The following DEK variants were observed in gnomAD, a reference collection of about 807,000 sequenced individuals.
DEK encodes the protein DEK proto-oncogene.
DEK carries 28 observed loss-of-function variants against 46.8 expected under a neutral mutation model. That is an observed-to-expected ratio of 0.60 (90% CI 0.44 to 0.82). The LOEUF is 0.82. Ranked by LOEUF, DEK falls within the 40% of genes least tolerant of loss-of-function variation. The probability of loss-of-function intolerance (pLI) is 0.00; values close to 1 mark genes in which losing one functional copy is unlikely to be tolerated. For synonymous variants in DEK, 160 were observed against 144.5 expected, an observed-to-expected ratio of 1.11 and a Z score of -0.77; for missense variants, 416 against 430.6, an observed-to-expected ratio of 0.97 and a Z score of 0.30.
At chr6:18,250,568 CTTTTTTTT>C (rs70974716) in intron 6 of DEK, among the ~76,000 whole-genome samples, 6 of 62,820 alleles carry the variant, frequency 9.6e-5, no homozygotes, top group South Asian at 8.7e-4. Flanking sequence ...GGAGAAAAAC[CTTTTTTTT>C]TTTTTTTTTT....
chr6:18,237,860 CTTTTTT>C (rs60332682), intron 7 of DEK, among the ~76,000 whole-genome samples: 2 of 88,470 alleles, frequency 2.3e-5, no homozygotes, highest in African/African-American at 4.5e-5. Context: ...CAACTGGAAT[CTTTTTT>C]TTTTTTTTTT....
intron 6 of DEK, among the ~76,000 whole-genome samples, chr6:18,251,577 A>T (rs1395189842): frequency 6.6e-6 from 1 of 152,186 alleles, no homozygotes; most frequent in Non-Finnish European, 1.5e-5. Flanking sequence ...CTCAGAGAAG[A>T]TTCTCTATAA....
chr6:18,234,777 C>A (rs943032827), intron 9 of DEK, among the ~76,000 whole-genome samples: 1 of 152,156 alleles, frequency 6.6e-6, no homozygotes, highest in Non-Finnish European at 1.5e-5. Context: ...CCCTCCACCC[C>A]TACTACCCAT....
chr6:18,261,667 C>T (rs1485723425), intron 2 of DEK, among the ~76,000 whole-genome samples: 2 of 152,244 alleles, frequency 1.3e-5, no homozygotes, highest in Admixed American at 6.5e-5. Flanking sequence ...TTTGGCCTTT[C>T]TCCCTTTTGG....
At chr6:18,250,234 C>A (rs1474516351) in intron 6 of DEK, among the ~76,000 whole-genome samples, 1 of 152,132 alleles carries the variant, frequency 6.6e-6, no homozygotes, top group South Asian at 2.1e-4. Flanking sequence ...CTTTGGGACG[C>A]CGAGGCGGGC....
At chr6:18,228,013 A>G (rs879582669) in intron 9 of DEK, among the ~76,000 whole-genome samples, 5 of 151,908 alleles carry the variant, frequency 3.3e-5, no homozygotes, top group African/African-American at 4.8e-5. Flanking sequence ...CCTTTTGTCA[A>G]TTTTCTCAGT....
At chr6:18,230,426 A>G (rs1402467076) in intron 9 of DEK, among the ~76,000 whole-genome samples, 1 of 152,244 alleles carries the variant, frequency 6.6e-6, no homozygotes, top group Non-Finnish European at 1.5e-5. Flanking sequence ...TAAAAGACAC[A>G]GACTGACAAA....
rs58941276 is a variant in DEK at position 18,239,338 on chromosome 6, CTTT to C, written c.763-1825_763-1823del. 3.5e-3 allele frequency among the ~76,000 whole-genome samples: 276 copies of C among 78,284 alleles called. 1 individual carries two copies. The highest frequency in any genetic ancestry group is 0.015 in the African/African-American group (259 of 16,720). 51.4% of individuals were successfully genotyped at this position (78,284 alleles called of 152,430 possible). A position where few individuals can be genotyped will look rare whatever the true frequency, so the allele number is the denominator to read the frequency against. ...CAAGCTATTCATTGGATTTTAGTGT[CTTT>C]TTTTTTTTTTTTTTTTTTTTAAAAA... On this transcript the variant is annotated intron_variant, in intron 7 of 10. Coordinates refer to ENST00000652689, the MANE Select transcript of DEK (RefSeq NM_003472.4).
intron 7 of DEK, chr6:18,244,485 A>C (rs984374201): frequency 4.0e-6 from 5 of 1,262,230 alleles, no homozygotes; most frequent in African/African-American, 1.5e-5. Flanking sequence ...AGGCAAAAAA[A>C]ATCTTGGGAA....
intron 6 of DEK, among the ~76,000 whole-genome samples, chr6:18,253,086 T>C (rs1249932331): frequency 2.0e-5 from 3 of 152,148 alleles, no homozygotes; most frequent in Admixed American, 6.6e-5. Context: ...CCAAGCTCCT[T>C]TTTCATAGAA....
rs781519712 is a variant in DEK at position 18,263,911 on chromosome 6, G to A, written c.77C>T (p.Pro26Leu). 6.8e-6 allele frequency: 11 copies of A among 1,611,618 alleles called. No homozygotes were observed. The highest frequency in any genetic ancestry group is 5.4e-5 in the African/African-American group (4 of 74,720). Reference sequence around the variant, plus strand: ...CTCCTCGCTCTCCTCTCTGGGACCGGGCATTTCGGGTTCTTTCTCGGACGC... The same window carrying A: ...CTCCTCGCTCTCCTCTCTGGGACCGAGCATTTCGGGTTCTTTCTCGGACGC... ...QPASEKEPEM[P>L]GPREESEEEE... The change falls in exon 2 of 11, where the codon CCC becomes CTC. Residue 26 changes from proline to leucine, a missense_variant. Transcript: ENST00000652689.
Position 18,225,700 on chromosome 6 carries a change from A to T in DEK, c.*19T>A. 6.2e-7 allele frequency: 1 copy of T among 1,612,396 alleles called. No individual in the cohort carries two copies. On this transcript the variant is annotated 3_prime_UTR_variant, in exon 11 of 11. Transcript: ENST00000652689. ...ATCTTCAAATCTATGGGAACGAGTC[A>T]TCTTCTCTGTCCTCTATCTCAAGAA...
chr6:18,259,394 C>CAAAAAAAAAAAAA (rs56704006), intron 2 of DEK, among the ~76,000 whole-genome samples: 9 of 41,482 alleles, frequency 2.2e-4, no homozygotes, highest in Admixed American at 3.4e-4. Flanking sequence ...GACTCCGTCT[C>CAAAAAAAAAAAAA]AAAAAAAAAA....
chr6:18,263,082 G>A (rs919756222), intron 2 of DEK, among the ~76,000 whole-genome samples: 1 of 152,162 alleles, frequency 6.6e-6, no homozygotes, highest in Non-Finnish European at 1.5e-5. Flanking sequence ...AACATGTCAA[G>A]AAGCGGGTAC....
intron 7 of DEK, among the ~76,000 whole-genome samples, chr6:18,240,998 A>G (rs964636330): frequency 5.3e-5 from 8 of 152,318 alleles, no homozygotes; most frequent in South Asian, 2.1e-4. Context: ...ATCTTTAGCA[A>G]CCAGCTGTAA....
At chr6:18,226,043 C>T (rs1054158690) in intron 10 of DEK, 131 bp downstream of exon 10, 7 of 888,308 alleles carry the variant, frequency 7.9e-6, no homozygotes, top group Non-Finnish European at 9.5e-6. Flanking sequence ...ATAAATTTCC[C>T]TATTATGAAG....
chr6:18,239,335 T>G (rs1202653530), intron 7 of DEK, among the ~76,000 whole-genome samples: 1 of 131,506 alleles, frequency 7.6e-6, no homozygotes, highest in Non-Finnish European at 1.6e-5. Context: ...TGGATTTTAG[T>G]GTCTTTTTTT....
At position 18,255,624 on chromosome 6, in the gene DEK, T is replaced by C. The variant is rs145584622; in HGVS notation, c.573+107A>G. ...CAACAGAAGGTATAGTCTTTGAATG[T>C]AGATATGAACGAATACTGACAGCAA... On this transcript the variant is annotated intron_variant, in intron 6 of 10. Coordinates refer to ENST00000652689, the MANE Select transcript of DEK (RefSeq NM_003472.4). 1.5e-5 allele frequency: 20 copies of C among 1,296,052 alleles called. No homozygotes were observed. In the East Asian group the frequency reaches 2.0e-4, roughly 13 times the overall value. 80.3% of individuals were successfully genotyped at this position (1,296,052 alleles called of 1,614,324 possible).
Position 18,262,137 on chromosome 6 carries a change from TC to T in DEK, c.145+1705del, listed in dbSNP as rs199888177. Among the ~76,000 whole-genome samples the T allele has an allele frequency of 8.3e-3, 1,256 of 152,082 alleles. 51 individuals carry two copies. The highest frequency in any genetic ancestry group is 0.071 in the East Asian group (365 of 5,154). ...TCCCACTCCCAAATGAAATGCCTGC[TC>T]CCCCTTTGTCTTCTGCCATGATTGG... On this transcript the variant is annotated intron_variant, in intron 2 of 10. Coordinates refer to ENST00000652689, the MANE Select transcript of DEK (RefSeq NM_003472.4).
Sources: gnomAD v4.1 joint callset for allele counts (sites outside exome capture counted in the v4.1 genomes callset) on GRCh38, gnomAD v4.1.1 for gene constraint, MANE v1.5 for transcripts, NCBI Gene and HGNC (gene_info 2026-07-23, HGNC 2026-07-21) for gene names.